POLK: variants seen among roughly 807,000 people sequenced by gnomAD.
POLK encodes the protein DNA polymerase kappa.
A neutral mutation model predicts 94.0 loss-of-function variants in POLK; 76 were observed. That is an observed-to-expected ratio of 0.81 (90% confidence interval 0.67 to 0.98). The LOEUF (loss-of-function observed/expected upper bound fraction) is 0.98. Among genes scored for constraint, POLK ranks in the 50% least tolerant of loss-of-function variants. POLK has a pLI of 0.00. For missense variants in POLK, 954 were observed against 1,010.1 expected, an observed-to-expected ratio of 0.94 and a Z score of 0.75; for synonymous variants, 349 against 325.4, an observed-to-expected ratio of 1.07 and a Z score of -0.78.
intron 1 of POLK, among the ~76,000 whole-genome samples, chr5:75,520,960 G>C (rs1457836725): frequency 6.6e-6 from 1 of 152,048 alleles, no homozygotes; most frequent in Non-Finnish European, 1.5e-5. Flanking sequence ...GGCTTATTTG[G>C]TTCCCATTGT....
At chr5:75,554,485 C>T (rs897132651) in intron 3 of POLK, among the ~76,000 whole-genome samples, 37 of 151,658 alleles carry the variant, frequency 2.4e-4, no homozygotes, top group African/African-American at 8.9e-4. Flanking sequence ...TATATATCTT[C>T]CTTTCCCTTC....
intron 1 of POLK, among the ~76,000 whole-genome samples, chr5:75,539,980 A>T (rs933278875): frequency 1.3e-5 from 2 of 152,164 alleles, no homozygotes; most frequent in Non-Finnish European, 2.9e-5. Flanking sequence ...GTTGCTAAGG[A>T]GTTTTAAACC....
chr5:75,605,112 T>TACACACACACAC (rs1466481997), downstream of POLK, among the ~76,000 whole-genome samples: 1 of 77,298 alleles, frequency 1.3e-5, no homozygotes, highest in African/African-American at 5.8e-5. Context: ...CTTTCCTGTA[T>TACACACACACAC]ACACATACAC....
chr5:75,524,529 G>A (rs575783815), intron 1 of POLK, among the ~76,000 whole-genome samples: 47 of 152,004 alleles, frequency 3.1e-4, no homozygotes, highest in African/African-American at 1.1e-3. Flanking sequence ...AGTAAATTAC[G>A]TATAAGTTTA....
upstream of POLK, chr5:75,511,391 G>T (rs1407668129): frequency 8.4e-6 from 13 of 1,546,390 alleles, no homozygotes; most frequent in East Asian, 2.2e-4. Context: ...GACACCGAGC[G>T]GAGCGAGGAA....
chr5:75,569,259 T>G (rs944699507), intron 3 of POLK, 81 bp from the exon 4 acceptor site: 1 of 936,124 alleles, frequency 1.1e-6, no homozygotes, highest in African/African-American at 1.7e-5. Flanking sequence ...AGACACTTAA[T>G]AAATTAAGAT....
At chr5:75,517,008 T>C (rs1768356232) in intron 1 of POLK, among the ~76,000 whole-genome samples, 1 of 152,236 alleles carries the variant, frequency 6.6e-6, no homozygotes, top group African/African-American at 2.4e-5. Flanking sequence ...TCCATGTGTC[T>C]ATTTTCTTGC....
chr5:75,545,647 A>G (rs1456135375), intron 1 of POLK, among the ~76,000 whole-genome samples: 1 of 151,978 alleles, frequency 6.6e-6, no homozygotes, highest in Non-Finnish European at 1.5e-5. Context: ...CTTAGAGATG[A>G]CGTAACTTTC....
At chr5:75,563,107 T>G (rs1771073689) in intron 3 of POLK, among the ~76,000 whole-genome samples, 1 of 152,162 alleles carries the variant, frequency 6.6e-6, no homozygotes, top group South Asian at 2.1e-4. Flanking sequence ...TCTTTGTACC[T>G]CTGGTAGAAT....
intron 6 of POLK, among the ~76,000 whole-genome samples, chr5:75,580,262 G>A (rs1772127894): frequency 6.6e-6 from 1 of 151,796 alleles, no homozygotes; most frequent in Non-Finnish European, 1.5e-5. Context: ...ATATTTATAT[G>A]TAATAAAATT....
chr5:75,534,514 T>TA (rs1017962163), intron 1 of POLK, among the ~76,000 whole-genome samples: 1 of 152,232 alleles, frequency 6.6e-6, no homozygotes, highest in African/African-American at 2.4e-5. Flanking sequence ...TCTGTCCAAA[T>TA]ATGTTTGTTA....
Position 75,560,961 on chromosome 5 carries a change from C to T in POLK, c.255+8370C>T, listed in dbSNP as rs370906055. Reference sequence around the variant, plus strand: ...TCCAAGTCTGATATTGTGAATAGTGCTGCAGTAAACATACATGTACATGTG... The same window carrying T: ...TCCAAGTCTGATATTGTGAATAGTGTTGCAGTAAACATACATGTACATGTG... On this transcript the variant is annotated intron_variant, in intron 3 of 14. Coordinates refer to ENST00000241436, the Ensembl canonical transcript of POLK. Among the ~76,000 whole-genome samples, 37 of 152,258 alleles carry T rather than the reference C, an allele frequency of 2.4e-4. 1 individual carries two copies. In the South Asian group the frequency reaches 7.7e-3, roughly 32 times the overall value.
chr5:75,577,463 G>GT (rs1292762890), intron 6 of POLK, among the ~76,000 whole-genome samples: 3 of 152,028 alleles, frequency 2.0e-5, no homozygotes, highest in Non-Finnish European at 2.9e-5. Flanking sequence ...AGACTCCAGG[G>GT]TTTTTTTAAA....
intron 12 of POLK, among the ~76,000 whole-genome samples, chr5:75,594,950 G>A (rs1772986852): frequency 6.6e-6 from 1 of 152,102 alleles, no homozygotes; most frequent in African/African-American, 2.4e-5. Context: ...ACTGAATAAA[G>A]TGTTAATTGA....
At chr5:75,563,196 AG>A (rs1561375588) in intron 3 of POLK, among the ~76,000 whole-genome samples, 1 of 152,144 alleles carries the variant, frequency 6.6e-6, no homozygotes, top group African/African-American at 2.4e-5. Flanking sequence ...TCCCAACCGC[AG>A]GTGATCTGCC....
At chr5:75,533,583 A>G (rs1274735878) in intron 1 of POLK, among the ~76,000 whole-genome samples, 1 of 152,090 alleles carries the variant, frequency 6.6e-6, no homozygotes, top group African/African-American at 2.4e-5. Context: ...TTTTGGTTTC[A>G]TAGGAAATTT....
At chr5:75,603,605 T>C (rs1232046557), downstream of POLK, among the ~76,000 whole-genome samples, 2 of 152,248 alleles carry the variant, frequency 1.3e-5, no homozygotes, top group East Asian at 3.9e-4. Flanking sequence ...CCTGAAACTT[T>C]AACAGCTCTT....
At chr5:75,602,363 C>G (rs905431728), downstream of POLK, among the ~76,000 whole-genome samples, 4 of 152,140 alleles carry the variant, frequency 2.6e-5, no homozygotes, top group Admixed American at 1.3e-4. Context: ...AAAATGCAGC[C>G]CAAGGCCTCA....
intron 1 of POLK, among the ~76,000 whole-genome samples, chr5:75,532,349 A>G (rs894392605): frequency 6.6e-6 from 1 of 151,972 alleles, no homozygotes; most frequent in African/African-American, 2.4e-5. Context: ...TTCTGTTTCT[A>G]TGTTAGTTTG....
Sources: gnomAD v4.1 joint callset for allele counts (sites outside exome capture counted in the v4.1 genomes callset) on GRCh38, gnomAD v4.1.1 for gene constraint, MANE v1.5 for transcripts, NCBI Gene and HGNC (gene_info 2026-07-23, HGNC 2026-07-21) for gene names.